The following RMC1 variants were observed in gnomAD, a reference collection of about 807,000 sequenced individuals.
RMC1 encodes the protein regulator of MON1-CCZ1 complex.
A neutral mutation model predicts 95.5 loss-of-function variants in RMC1; 44 were observed. The observed-to-expected ratio is 0.46, with a 90% CI of 0.36 to 0.59. The LOEUF (loss-of-function observed/expected upper bound fraction) is 0.59. Ranked by LOEUF, RMC1 falls within the 20% of genes least tolerant of loss-of-function variation. RMC1 has a pLI of 0.00. For missense variants in RMC1, 705 were observed against 819.6 expected, an observed-to-expected ratio of 0.86 and a Z score of 1.71; for synonymous variants, 320 against 303.6, an observed-to-expected ratio of 1.05 and a Z score of -0.56.
At chr18:23,524,239 C>T (rs1567928730) in intron 11 of RMC1, 65 bp downstream of exon 11, 1 of 1,585,114 alleles carries the variant, frequency 6.3e-7, no homozygotes, top group Non-Finnish European at 8.6e-7. Flanking sequence ...GAGAGTGGTC[C>T]TGAAGTCCTC....
chr18:23,515,714 G>A, intron 5 of RMC1, 142 bp from the exon 6 acceptor site: 1 of 885,230 alleles, frequency 1.1e-6, no homozygotes, highest in Non-Finnish European at 1.7e-6. Flanking sequence ...TGTATTTTTA[G>A]TAGAGATGGG....
At chr18:23,527,659 TTAAAG>T (rs1260537923) in intron 13 of RMC1, 131 bp from the exon 14 acceptor site, 12 of 206,336 alleles carry the variant, frequency 5.8e-5, no homozygotes, top group Middle Eastern at 7.2e-4. Context: ...TGTCAGGTCT[TTAAAG>T]TAGAGTGTCC....
chr18:23,506,977 G>T lies in RMC1; in HGVS notation c.187G>T (p.Asp63Tyr). 1.2e-6 allele frequency: 2 copies of T among 1,601,388 alleles called. No individual in the cohort carries two copies. Among genetic ancestry groups the T allele is most frequent in the South Asian group, 2.2e-5 (2 of 89,208 alleles). The change falls in exon 3 of 20, where the codon GAC (aspartate) becomes TAC (tyrosine). Residue 63 changes from aspartate (D) to tyrosine (Y), a missense_variant. Coordinates refer to ENST00000269221, the MANE Select transcript of RMC1 (RefSeq NM_013326.5). ...DRNPISFRMD[D>Y]KGEVKCIKFS... ...CAATCTTTCTTCTTAAAGAATGGATGACAAAGGAGAAGTGAAGTGCATTAA... is the reference window on the plus strand; with the variant it reads ...CAATCTTTCTTCTTAAAGAATGGATTACAAAGGAGAAGTGAAGTGCATTAA...
chr18:23,516,486 G>C, intron 7 of RMC1, 63 bp downstream of exon 7: 1 of 1,550,906 alleles, frequency 6.4e-7, no homozygotes, highest in Non-Finnish European at 8.9e-7. Flanking sequence ...ATAATAGAAG[G>C]AGTGTGTTAC....
Position 23,520,212 on chromosome 18 carries a change from T to TA in RMC1, c.861dup (p.Phe288IlefsTer10). 1 of 1,613,820 alleles carries TA rather than the reference T, an allele frequency of 6.2e-7. No individual in the cohort carries two copies. The highest frequency in any genetic ancestry group is 8.5e-7 in the Non-Finnish European group (1 of 1,179,792). ...CTTTTTCCCCCCCAGACATCGGTAATATTCGATATCAAGTTACGGGGAGAG... is the reference window on the plus strand; with the variant it reads ...CTTTTTCCCCCCCAGACATCGGTAATAATTCGATATCAAGTTACGGGGAGAG... On this transcript the variant is annotated frameshift_variant, in exon 10 of 20. Transcript: ENST00000269221. LOFTEE classifies it high-confidence loss of function.
chr18:23,518,806 T>C, intron 7 of RMC1, 84 bp from the exon 8 acceptor site: 1 of 1,212,622 alleles, frequency 8.2e-7, no homozygotes. Context: ...GAATATCTTA[T>C]AATTTACTTA....
intron 7 of RMC1, 140 bp downstream of exon 7, chr18:23,516,563 T>C (rs565033590): frequency 1.3e-6 from 1 of 794,774 alleles, no homozygotes; most frequent in East Asian, 2.7e-5. Flanking sequence ...GGGTATTCAG[T>C]GTATAGGTCC....
At chr18:23,527,765 G>A in intron 13 of RMC1, 30 bp from the exon 14 acceptor site, 1 of 1,578,802 alleles carries the variant, frequency 6.3e-7, no homozygotes, top group East Asian at 2.2e-5. Flanking sequence ...AAGTTGGTTT[G>A]ATCCGTGTGT....
At chr18:23,523,533 CTTGT>C (rs2058199969) in intron 10 of RMC1, among the ~76,000 whole-genome samples, 1 of 100,598 alleles carries the variant, frequency 9.9e-6, no homozygotes, top group Non-Finnish European at 1.8e-5. Context: ...TAACATAGAC[CTTGT>C]CTTCACAAAA....
chr18:23,506,919 A>G, intron 2 of RMC1, 51 bp from the exon 3 acceptor site: 1 of 1,216,264 alleles, frequency 8.2e-7, no homozygotes, highest in Non-Finnish European at 1.2e-6. Context: ...AATAAATGGT[A>G]GTAGCTAGAA....
At chr18:23,529,424 T>C (rs2058416221) in intron 15 of RMC1, 126 bp downstream of exon 15, 1 of 1,431,106 alleles carries the variant, frequency 7.0e-7, no homozygotes, top group African/African-American at 1.4e-5. Context: ...TTTCCTTGGG[T>C]GAGGCCCTAG....
chr18:23,503,524 C>A lies in RMC1; in HGVS notation c.-95C>A, dbSNP rs1469703474. The A allele has an allele frequency of 7.4e-6, 6 of 809,798 alleles. No homozygotes were observed. The South Asian group carries it at 2.1e-4, about 28-fold the overall frequency. 50.2% of individuals were successfully genotyped at this position (809,798 alleles called of 1,614,324 possible). A position where few individuals can be genotyped will look rare whatever the true frequency, so the allele number is the denominator to read the frequency against. On this transcript the variant is annotated 5_prime_UTR_variant, in exon 1 of 20. Transcript: ENST00000269221. ...CGCGCCGGGCCCAGAGCCGCAGCCG[C>A]AGCCGCCGCTACAGTCCGGGCCGGG...
chr18:23,503,531 C>A lies in RMC1; in HGVS notation c.-88C>A, dbSNP rs1047757093. ...GGCCCAGAGCCGCAGCCGCAGCCGC[C>A]GCTACAGTCCGGGCCGGGCTCCACC... On this transcript the variant is annotated 5_prime_UTR_variant, in exon 1 of 20. Coordinates refer to ENST00000269221, the MANE Select transcript of RMC1 (RefSeq NM_013326.5). 6 of 880,218 alleles carry A rather than the reference C, an allele frequency of 6.8e-6. No individual in the cohort carries two copies. Among genetic ancestry groups the A allele is most frequent in the South Asian group, 3.3e-5 (1 of 29,858 alleles). The allele number at this position is 880,218 out of a possible 1,614,324, so 54.5% of individuals were successfully genotyped here. A position where few individuals can be genotyped will look rare whatever the true frequency, so the allele number is the denominator to read the frequency against.
chr18:23,525,568 GCA>G (rs2145254992), intron 12 of RMC1, among the ~76,000 whole-genome samples: 1 of 152,280 alleles, frequency 6.6e-6, no homozygotes, highest in East Asian at 1.9e-4. Context: ...GGGATTACAG[GCA>G]TGCGCCACCA....
intron 9 of RMC1, among the ~76,000 whole-genome samples, chr18:23,519,837 G>A (rs1465842292): frequency 6.6e-6 from 1 of 152,036 alleles, no homozygotes; most frequent in Non-Finnish European, 1.5e-5. Flanking sequence ...GGGTCCTGTG[G>A]GCTGGGCCTC....
At chr18:23,522,116 C>T (rs1202759914) in intron 10 of RMC1, among the ~76,000 whole-genome samples, 1 of 152,232 alleles carries the variant, frequency 6.6e-6, no homozygotes, top group East Asian at 1.9e-4. Flanking sequence ...CCATTGTCAG[C>T]CTGACTGCCC....
intron 2 of RMC1, 180 bp downstream of exon 2, chr18:23,504,627 C>T: frequency 1.8e-6 from 1 of 542,858 alleles, no homozygotes; most frequent in Admixed American, 3.1e-5. Context: ...CACCTCTTGT[C>T]AGAGTGGAAT....
chr18:23,515,931 G>T lies in RMC1; in HGVS notation c.484G>T (p.Glu162Ter). Reference sequence around the variant, plus strand: ...TGTGAATTGGTACATGTACTGCCCCGAGAGCGCCGTGATCTTGCTGTCTAC... The same window carrying T: ...TGTGAATTGGTACATGTACTGCCCCTAGAGCGCCGTGATCTTGCTGTCTAC... Reference protein sequence around the residue: ...LNVNWYMYCPESAVILLSTTV... With the variant: ...LNVNWYMYCP The change falls in exon 6 of 20, where the codon GAG becomes TAG. Residue 162 changes from glutamate (E) to a stop codon, truncating the protein, a stop_gained. Transcript: ENST00000269221. LOFTEE classifies it high-confidence loss of function. The T allele has an allele frequency of 6.2e-7, 1 of 1,614,106 alleles. No homozygotes were observed. Among genetic ancestry groups the T allele is most frequent in the Non-Finnish European group, 8.5e-7 (1 of 1,180,010 alleles).
chr18:23,524,643 A>AT (rs2058240717), intron 12 of RMC1, among the ~76,000 whole-genome samples, 161 bp downstream of exon 12: 1 of 151,494 alleles, frequency 6.6e-6, no homozygotes, highest in Non-Finnish European at 1.5e-5. Flanking sequence ...GTTTTTTACT[A>AT]TATGTGCATT....
Sources: allele counts gnomAD v4.1 joint callset (sites outside exome capture counted in the v4.1 genomes callset), GRCh38; gene constraint gnomAD v4.1.1; transcripts MANE v1.5; gene names NCBI Gene and HGNC (gene_info 2026-07-23, HGNC 2026-07-21).